The following GULP1 variants were observed in gnomAD, a reference collection of about 807,000 sequenced individuals.
GULP1 encodes the protein GULP PTB domain containing engulfment adaptor 1.
GULP1 carries 19 observed loss-of-function variants against 40.9 expected under a neutral mutation model. The observed-to-expected ratio is 0.46, with a 90% confidence interval of 0.32 to 0.68. The LOEUF (loss-of-function observed/expected upper bound fraction) is 0.68, where lower values mean the gene tolerates loss of function less well. Among genes scored for constraint, GULP1 ranks in the 30% least tolerant of loss-of-function variants. The pLI, the probability that GULP1 is intolerant of heterozygous loss-of-function variation, is 0.03. For missense variants in GULP1, 312 were observed against 362.2 expected (o/e 0.86, Z 1.12); for synonymous variants, 119 against 117.6 (o/e 1.01, Z -0.08).
chr2:188,515,044 T>A (rs2153219799), intron 4 of GULP1, among the ~76,000 whole-genome samples: 1 of 152,344 alleles, frequency 6.6e-6, no homozygotes, highest in South Asian at 2.1e-4. Context: ...ACATTAGTAT[T>A]CATTTCTCTG....
chr2:188,359,943 A>G (rs1484781117), intron 1 of GULP1, among the ~76,000 whole-genome samples: 3 of 152,140 alleles, frequency 2.0e-5, no homozygotes, highest in Admixed American at 6.6e-5. Flanking sequence ...GAACCAGGAA[A>G]GAGACTGGGG....
At chr2:188,484,778 C>T (rs73040502) in intron 4 of GULP1, among the ~76,000 whole-genome samples, 3,095 of 152,160 alleles carry the variant, frequency 0.02, 97 homozygotes, top group African/African-American at 0.07. Context: ...TGTTCAGCAG[C>T]GAAATTTGGA....
intron 11 of GULP1, chr2:188,591,042 A>T (rs951547236): frequency 6.6e-6 from 1 of 152,134 alleles, no homozygotes; most frequent in Admixed American, 6.5e-5. Context: ...TTTAAAATTT[A>T]CTGTCTAAAA....
Position 188,411,618 on chromosome 2 carries a change from C to T in GULP1, c.-45+27729C>T, listed in dbSNP as rs184719867. The stretch of plus-strand genomic sequence containing the variant: ...ATTCACGTAAGATAACAAATATCTT[C>T]ACTTTGTTTTTAACCACTAAGAGAA... On this transcript the variant is annotated intron_variant, in intron 2 of 11. Coordinates refer to ENST00000409830, the MANE Select transcript of GULP1 (RefSeq NM_016315.4). Among the ~76,000 whole-genome samples, 27 of 152,302 alleles carry T rather than the reference C, an allele frequency of 1.8e-4. 1 individual carries two copies. Among genetic ancestry groups the T allele is most frequent in the Admixed American group, 1.4e-3 (21 of 15,302 alleles).
chr2:188,517,099 G>C (rs1227341135), intron 4 of GULP1, among the ~76,000 whole-genome samples: 1 of 151,962 alleles, frequency 6.6e-6, no homozygotes, highest in African/African-American at 2.4e-5. Context: ...TGTTTTTTCA[G>C]TGCATTTAAT....
At chr2:188,420,706 G>C (rs1282019173) in intron 2 of GULP1, among the ~76,000 whole-genome samples, 1 of 152,190 alleles carries the variant, frequency 6.6e-6, no homozygotes, top group African/African-American at 2.4e-5. Flanking sequence ...TATGGACTTA[G>C]AATGTGGGAG....
chr2:188,411,708 G>T (rs1017099191), intron 2 of GULP1, among the ~76,000 whole-genome samples: 1 of 152,144 alleles, frequency 6.6e-6, no homozygotes, highest in Non-Finnish European at 1.5e-5. Flanking sequence ...TTTCTTGCAA[G>T]TTCCTGACCA....
chr2:188,390,301 T>C lies in GULP1; in HGVS notation c.-45+6412T>C, dbSNP rs529205010. On this transcript the variant is annotated intron_variant, in intron 2 of 11. Coordinates refer to ENST00000409830, the MANE Select transcript of GULP1 (RefSeq NM_016315.4). The stretch of plus-strand genomic sequence containing the variant: ...AATCTATTATTGTCTTTTGACTTTT[T>C]AATAATAGCTATTCTTGCAGGGCAT... Among the ~76,000 whole-genome samples, 3 of 152,286 alleles carry C rather than the reference T, an allele frequency of 2.0e-5. No individual in the cohort carries two copies. The South Asian group carries it at 6.2e-4, about 32-fold the overall frequency.
chr2:188,455,182 C>G (rs79172526), intron 2 of GULP1, among the ~76,000 whole-genome samples: 1 of 152,172 alleles, frequency 6.6e-6, no homozygotes, highest in Non-Finnish European at 1.5e-5. Context: ...AATATATTCA[C>G]ATGACAGACA....
intron 1 of GULP1, among the ~76,000 whole-genome samples, chr2:188,311,639 C>T (rs1329240675): frequency 1.3e-5 from 2 of 151,076 alleles, no homozygotes; most frequent in African/African-American, 2.4e-5. Flanking sequence ...AATTGATTTT[C>T]TCAGTTACTG....
chr2:188,518,236 C>G (rs1249258565), intron 4 of GULP1, among the ~76,000 whole-genome samples: 1 of 151,926 alleles, frequency 6.6e-6, no homozygotes, highest in Non-Finnish European at 1.5e-5. Context: ...AGGGGGTGCT[C>G]CCAGAAGAAA....
intron 7 of GULP1, among the ~76,000 whole-genome samples, chr2:188,565,507 T>A (rs966561486): frequency 2.0e-5 from 3 of 152,040 alleles, no homozygotes; most frequent in African/African-American, 7.2e-5. Context: ...ACTCATCCAA[T>A]ATATTGTCTC....
intron 1 of GULP1, among the ~76,000 whole-genome samples, chr2:188,336,939 T>TAA (rs1428996181): frequency 2.0e-5 from 3 of 152,164 alleles, no homozygotes; most frequent in African/African-American, 7.2e-5. Context: ...TGATAATTTT[T>TAA]TCATATCTTT....
At chr2:188,403,864 G>A (rs1478151608) in intron 2 of GULP1, among the ~76,000 whole-genome samples, 1 of 152,158 alleles carries the variant, frequency 6.6e-6, no homozygotes, top group East Asian at 1.9e-4. Flanking sequence ...TTTATCTTCT[G>A]TGGTCTAGAC....
intron 9 of GULP1, among the ~76,000 whole-genome samples, chr2:188,571,945 T>C (rs2153435994): frequency 6.6e-6 from 1 of 152,340 alleles, no homozygotes; most frequent in Non-Finnish European, 1.5e-5. Context: ...ACCTGGTCAT[T>C]GTGTAACCTC....
rs550427771 is a variant in GULP1, at chr2:188,434,516, G to C, written c.-44-43143G>C. 2.7e-5 allele frequency among the ~76,000 whole-genome samples: 4 copies of C among 148,894 alleles called. 1 individual carries two copies. Among genetic ancestry groups the C allele is most frequent in the Admixed American group, 2.6e-4 (4 of 15,128 alleles). On this transcript the variant is annotated intron_variant, in intron 2 of 11. Transcript: ENST00000409830. The stretch of plus-strand genomic sequence containing the variant: ...TTGTTTTGGTTTACTTCTTTGAGGA[G>C]TCTTATATGTTGGATTTTTTTTTCT...
chr2:188,292,249 C>G lies in GULP1; in HGVS notation c.-172+83C>G, dbSNP rs1267913668. ...CGTGGAATCGCTTAGAAGCTGATAT[C>G]CCGAGGGGCGGTGGGGGTGGACAGC... On this transcript the variant is annotated intron_variant, in intron 1 of 11. Coordinates refer to ENST00000409830, the MANE Select transcript of GULP1 (RefSeq NM_016315.4). This position sits in a 1 kb window ranked among gnomAD's most constrained non-coding sequence, Gnocchi z 4.0. 3 of 152,452 alleles carry G rather than the reference C, an allele frequency of 2.0e-5. No homozygotes were observed. The highest frequency in any genetic ancestry group is 4.4e-5 in the Non-Finnish European group (3 of 68,240). 9.4% of individuals were successfully genotyped at this position (152,452 alleles called of 1,614,324 possible). A position where few individuals can be genotyped will look rare whatever the true frequency, so the allele number is the denominator to read the frequency against.
intron 2 of GULP1, among the ~76,000 whole-genome samples, chr2:188,472,112 G>T (rs1328249657): frequency 6.6e-6 from 1 of 152,040 alleles, no homozygotes; most frequent in African/African-American, 2.4e-5. Flanking sequence ...GGCCTGTAAG[G>T]TTTCCACTGG....
chr2:188,466,365 C>T (rs1437350998), intron 2 of GULP1: 2 of 151,886 alleles, frequency 1.3e-5, no homozygotes, highest in Admixed American at 6.6e-5. Context: ...GCAAGCTCCG[C>T]CTCCCAGTTT....
Sources: gnomAD v4.1 joint callset for allele counts (sites outside exome capture counted in the v4.1 genomes callset) on GRCh38, gnomAD v4.1.1 for gene constraint, Gnocchi (gnomAD v3.1) non-coding constraint, MANE v1.5 for transcripts, NCBI Gene and HGNC (gene_info 2026-07-23, HGNC 2026-07-21) for gene names.